NALF1: variants seen among roughly 807,000 people sequenced by gnomAD.
NALF1 encodes the protein family with sequence similarity 155 member A.
A neutral mutation model predicts 48.4 loss-of-function variants in NALF1; 3 were observed. The observed-to-expected ratio is 0.06, with a 90% confidence interval of 0.03 to 0.16. NALF1 has a LOEUF of 0.16. NALF1 is among the 10% of genes least tolerant of loss of function. NALF1 has a pLI of 1.00. For synonymous variants in NALF1, 262 were observed against 245.7 expected (o/e 1.07, Z -0.62); for missense variants, 526 against 571.5 (o/e 0.92, Z 0.81).
At chr13:107,206,043 C>T (rs1879633016) in intron 2 of NALF1, among the ~76,000 whole-genome samples, 1 of 152,156 alleles carries the variant, frequency 6.6e-6, no homozygotes, top group Admixed American at 6.5e-5. Flanking sequence ...AATAGCACTG[C>T]ATTATGCGAA....
intron 1 of NALF1, among the ~76,000 whole-genome samples, chr13:107,258,024 TAA>T (rs989352414): frequency 2.0e-5 from 3 of 152,142 alleles, no homozygotes; most frequent in Admixed American, 6.5e-5. Context: ...AACAAATATA[TAA>T]GTGAGTCCAG....
intron 1 of NALF1, among the ~76,000 whole-genome samples, chr13:107,585,651 A>G (rs758611999): frequency 2.0e-5 from 3 of 152,144 alleles, no homozygotes; most frequent in Non-Finnish European, 4.4e-5. Context: ...GCCATTTATC[A>G]TCACCTACTT....
intron 1 of NALF1, among the ~76,000 whole-genome samples, chr13:107,508,484 T>C (rs1019664344): frequency 6.6e-6 from 1 of 151,992 alleles, no homozygotes; most frequent in Non-Finnish European, 1.5e-5. Flanking sequence ...ACAAGCTGAA[T>C]TGCTTGCCTG....
intron 1 of NALF1, among the ~76,000 whole-genome samples, chr13:107,677,420 A>G (rs1186981715): frequency 1.3e-5 from 2 of 152,214 alleles, no homozygotes; most frequent in Non-Finnish European, 2.9e-5. Context: ...GAGCCTTAAT[A>G]AGGTTAGACA....
intron 1 of NALF1, among the ~76,000 whole-genome samples, chr13:107,794,408 G>C (rs1878347121): frequency 6.6e-6 from 1 of 151,356 alleles, no homozygotes; most frequent in South Asian, 2.1e-4. Context: ...GAAAGAGGGA[G>C]ACAAGGTATG....
intron 1 of NALF1, among the ~76,000 whole-genome samples, chr13:107,261,695 G>A (rs1019170431): frequency 6.6e-6 from 1 of 152,108 alleles, no homozygotes; most frequent in Non-Finnish European, 1.5e-5. Flanking sequence ...AACACATATT[G>A]AAGTCACACT....
chr13:107,537,703 C>T (rs919337753), intron 1 of NALF1, among the ~76,000 whole-genome samples: 1 of 152,066 alleles, frequency 6.6e-6, no homozygotes, highest in East Asian at 1.9e-4. Flanking sequence ...ATGCACAGCA[C>T]ACAGTAAGTG....
At chr13:107,531,096 G>T in intron 1 of NALF1, 1 of 160,446 alleles carries the variant, frequency 6.2e-6, no homozygotes. Context: ...AAAGAGGATG[G>T]ACTTTTAACA....
At chr13:107,272,887 T>A (rs1240177522) in intron 1 of NALF1, among the ~76,000 whole-genome samples, 1 of 152,148 alleles carries the variant, frequency 6.6e-6, no homozygotes, top group African/African-American at 2.4e-5. Context: ...TATACGTGTA[T>A]AAACTACAAT....
chr13:107,526,479 A>G (rs947667360), intron 1 of NALF1, among the ~76,000 whole-genome samples: 19 of 144,164 alleles, frequency 1.3e-4, no homozygotes, highest in African/African-American at 3.6e-4. Context: ...ATCATTTAAT[A>G]TGTATTATTC....
At chr13:107,367,212 T>A (rs1883167241) in intron 1 of NALF1, among the ~76,000 whole-genome samples, 1 of 152,004 alleles carries the variant, frequency 6.6e-6, no homozygotes, top group South Asian at 2.1e-4. Flanking sequence ...ACACACTTCA[T>A]CTCCTTCATA....
rs368562124 is a variant in NALF1 at position 107,504,142 on chromosome 13, C to T, written c.916-293387G>A. Among the ~76,000 whole-genome samples, 5 of 150,812 alleles carry T rather than the reference C, an allele frequency of 3.3e-5. No homozygotes were observed. The South Asian group carries it at 1.0e-3, about 32-fold the overall frequency. On this transcript the variant is annotated intron_variant, in intron 1 of 2. Coordinates refer to ENST00000375915, the MANE Select transcript of NALF1 (RefSeq NM_001080396.3). The stretch of plus-strand genomic sequence containing the variant: ...CGGCACGTGCCTGTAGTCCCAGCTA[C>T]TTGGGAGGCTAAGGCTGGAGGATCC...
chr13:107,192,439 T>C (rs1451790624), intron 2 of NALF1, among the ~76,000 whole-genome samples: 1 of 152,176 alleles, frequency 6.6e-6, no homozygotes, highest in Non-Finnish European at 1.5e-5. Context: ...TTGGTAAAGA[T>C]TAATTGACAA....
At chr13:107,269,758 C>A (rs973291041) in intron 1 of NALF1, among the ~76,000 whole-genome samples, 2 of 151,850 alleles carry the variant, frequency 1.3e-5, no homozygotes, top group Non-Finnish European at 2.9e-5. Flanking sequence ...ACGTGGAGAA[C>A]ACTTGTGATG....
chr13:107,687,271 G>A (rs980152123), intron 1 of NALF1, among the ~76,000 whole-genome samples: 1 of 152,096 alleles, frequency 6.6e-6, no homozygotes, highest in Admixed American at 6.5e-5. Context: ...CATAAAGATG[G>A]AAACAACAGA....
intron 1 of NALF1, among the ~76,000 whole-genome samples, chr13:107,373,166 T>C (rs930812365): frequency 2.6e-5 from 4 of 152,136 alleles, no homozygotes; most frequent in Admixed American, 1.3e-4. Flanking sequence ...CCTCACTAAA[T>C]GTTGGGTCCC....
intron 1 of NALF1, among the ~76,000 whole-genome samples, chr13:107,381,925 A>G (rs1364071492): frequency 1.3e-5 from 2 of 152,092 alleles, no homozygotes; most frequent in African/African-American, 2.4e-5. Context: ...CTCCTCCCCA[A>G]GCACTTTTCT....
chr13:107,649,887 T>C (rs1880403635), intron 1 of NALF1, among the ~76,000 whole-genome samples: 1 of 152,148 alleles, frequency 6.6e-6, no homozygotes, highest in South Asian at 2.1e-4. Flanking sequence ...AAATACAGGT[T>C]AGGCCCTGGC....
At chr13:107,391,218 T>G (rs573991544) in intron 1 of NALF1, among the ~76,000 whole-genome samples, 1 of 152,250 alleles carries the variant, frequency 6.6e-6, no homozygotes, top group Admixed American at 6.5e-5. Context: ...TCTCAGATGA[T>G]AGAAAACTGC....
Sources: gnomAD v4.1 joint callset for allele counts (sites outside exome capture counted in the v4.1 genomes callset) on GRCh38, gnomAD v4.1.1 for gene constraint, MANE v1.5 for transcripts, NCBI Gene and HGNC (gene_info 2026-07-23, HGNC 2026-07-21) for gene names.